The following SLC30A8 variants were observed in gnomAD, a reference collection of about 807,000 sequenced individuals.
The protein encoded by SLC30A8 is solute carrier family 30 member 8, also known as proton-coupled zinc antiporter SLC30A8.
SLC30A8 carries 27 observed loss-of-function variants against 36.9 expected under a neutral mutation model. That is an observed-to-expected ratio of 0.73 (90% CI 0.54 to 1.01). The LOEUF (loss-of-function observed/expected upper bound fraction) is 1.01, where lower values mean the gene tolerates loss of function less well. Ranked by LOEUF, SLC30A8 falls within the 50% of genes least tolerant of loss-of-function variation. The pLI is 0.00. For synonymous variants in SLC30A8, 164 were observed against 172.4 expected (o/e 0.95, Z 0.38); for missense variants, 439 against 452.0 (o/e 0.97, Z 0.26).
At chr8:117,083,619 G>T (rs1375041289) in intron 2 of SLC30A8, among the ~76,000 whole-genome samples, 2 of 152,088 alleles carry the variant, frequency 1.3e-5, no homozygotes, top group African/African-American at 4.8e-5. Context: ...TTTTTGCACA[G>T]AAATCTTTAT....
intron 2 of SLC30A8, among the ~76,000 whole-genome samples, chr8:117,073,473 T>G (rs1818394146): frequency 6.6e-6 from 1 of 152,164 alleles, no homozygotes; most frequent in East Asian, 1.9e-4. Flanking sequence ...TTGGCCAGGC[T>G]AGTCTTGAAC....
chr8:117,148,284 G>C (rs932028483), intron 2 of SLC30A8, among the ~76,000 whole-genome samples: 2 of 151,868 alleles, frequency 1.3e-5, no homozygotes, highest in Non-Finnish European at 2.9e-5. Context: ...ATGCTCTAAG[G>C]ACTGAATTTT....
chr8:117,026,035 T>C (rs1816860860), intron 1 of SLC30A8, among the ~76,000 whole-genome samples: 1 of 152,164 alleles, frequency 6.6e-6, no homozygotes, highest in African/African-American at 2.4e-5. Context: ...TTAGGAGTTA[T>C]GAAGGCAAGG....
intron 1 of SLC30A8, among the ~76,000 whole-genome samples, chr8:116,967,860 A>G (rs1814651180): frequency 6.6e-6 from 1 of 152,212 alleles, no homozygotes; most frequent in Non-Finnish European, 1.5e-5. Context: ...CTGTAATGTC[A>G]CAAACTCTCT....
At chr8:117,072,137 G>A (rs1818351847) in intron 2 of SLC30A8, among the ~76,000 whole-genome samples, 1 of 152,142 alleles carries the variant, frequency 6.6e-6, no homozygotes, top group Non-Finnish European at 1.5e-5. Context: ...AAATCTATGG[G>A]TTACCATGAT....
intron 2 of SLC30A8, among the ~76,000 whole-genome samples, chr8:117,125,588 G>A (rs1820870624): frequency 6.6e-6 from 1 of 151,946 alleles, no homozygotes; most frequent in Non-Finnish European, 1.5e-5. Context: ...AGGATGCTTG[G>A]AAATGAAAAG....
chr8:116,994,214 G>T (rs181292387), intron 1 of SLC30A8, among the ~76,000 whole-genome samples: 3 of 152,156 alleles, frequency 2.0e-5, no homozygotes, highest in East Asian at 3.9e-4. Context: ...GTGGGAATGT[G>T]AACTGGTGCA....
At chr8:117,091,777 G>A (rs116494768) in intron 2 of SLC30A8, among the ~76,000 whole-genome samples, 71 of 152,178 alleles carry the variant, frequency 4.7e-4, no homozygotes, top group African/African-American at 1.4e-3. Flanking sequence ...AATCTCATAA[G>A]GTAAGAAAAT....
chr8:116,985,822 A>G (rs1430261838), intron 1 of SLC30A8, among the ~76,000 whole-genome samples: 1 of 152,118 alleles, frequency 6.6e-6, no homozygotes, highest in African/African-American at 2.4e-5. Context: ...TCTGCATTCT[A>G]AATAGATTTA....
At chr8:117,165,146 T>A (rs1822994849) in intron 6 of SLC30A8, among the ~76,000 whole-genome samples, 1 of 152,208 alleles carries the variant, frequency 6.6e-6, no homozygotes, top group Non-Finnish European at 1.5e-5. Context: ...ATGCTAGTCA[T>A]GCAAGTTTCT....
At chr8:117,089,027 C>T (rs67029063) in intron 2 of SLC30A8, among the ~76,000 whole-genome samples, 19,835 of 152,154 alleles carry the variant, frequency 0.13, 1,420 homozygotes, top group Non-Finnish European at 0.16. Flanking sequence ...CATATTTCAC[C>T]GTGTTGGTGT....
intron 2 of SLC30A8, among the ~76,000 whole-genome samples, chr8:117,106,805 T>A (rs1198812128): frequency 6.6e-6 from 1 of 152,224 alleles, no homozygotes; most frequent in Non-Finnish European, 1.5e-5. Context: ...CCCTGCTCCA[T>A]GGCAGAATGA....
chr8:117,136,895 A>T (rs1821389270), intron 1 of SLC30A8, among the ~76,000 whole-genome samples: 1 of 152,050 alleles, frequency 6.6e-6, no homozygotes, highest in African/African-American at 2.4e-5. Context: ...AAGAATTGTC[A>T]AACTCATTTG....
At chr8:116,951,628 G>C (rs1295719836) in intron 1 of SLC30A8, among the ~76,000 whole-genome samples, 13 of 151,842 alleles carry the variant, frequency 8.6e-5, no homozygotes, top group Admixed American at 7.9e-4. Flanking sequence ...CAACATGAGA[G>C]CCCAAATCCC....
At chr8:117,107,476 A>AT (rs1318261832) in intron 2 of SLC30A8, among the ~76,000 whole-genome samples, 4 of 152,164 alleles carry the variant, frequency 2.6e-5, no homozygotes, top group East Asian at 1.9e-4. Flanking sequence ...CCAACAACAG[A>AT]TTTTCTGTCA....
chr8:116,966,815 A>T (rs911556860), intron 1 of SLC30A8, among the ~76,000 whole-genome samples: 22 of 152,362 alleles, frequency 1.4e-4, no homozygotes, highest in African/African-American at 5.3e-4. Flanking sequence ...AAACAAAAAC[A>T]GAAAGCCCAT....
chr8:116,994,811 C>T (rs1815761589), intron 1 of SLC30A8, among the ~76,000 whole-genome samples: 1 of 152,064 alleles, frequency 6.6e-6, no homozygotes, highest in African/African-American at 2.4e-5. Context: ...AAAATTTTAA[C>T]ATGTATAATT....
intron 1 of SLC30A8, among the ~76,000 whole-genome samples, chr8:117,016,548 A>G (rs1816526676): frequency 6.6e-6 from 1 of 152,216 alleles, no homozygotes; most frequent in Non-Finnish European, 1.5e-5. Flanking sequence ...AACAGCTGCT[A>G]GTTTAGTATC....
intron 2 of SLC30A8, among the ~76,000 whole-genome samples, chr8:117,042,673 CTT>C (rs772490785): frequency 1.2e-4 from 17 of 140,430 alleles, no homozygotes; most frequent in Non-Finnish European, 1.1e-4. Flanking sequence ...GAATTTAGTG[CTT>C]TTTTTTTTTT....
Sources: allele counts gnomAD v4.1 joint callset (sites outside exome capture counted in the v4.1 genomes callset), GRCh38; gene constraint gnomAD v4.1.1; transcripts MANE v1.5; gene names NCBI Gene and HGNC (gene_info 2026-07-23, HGNC 2026-07-21).